The following TPT1 variants were observed in gnomAD, a reference collection of about 807,000 sequenced individuals.
TPT1 encodes tumor protein, translationally-controlled 1, also known as translationally-controlled tumor protein.
In TPT1, 5 loss-of-function variants were observed where a neutral mutation model predicts 22.8. The observed-to-expected ratio is 0.22, with a 90% CI of 0.11 to 0.46. The LOEUF is 0.46. TPT1 is among the 20% of genes least tolerant of loss of function. The pLI, the probability that TPT1 is intolerant of heterozygous loss-of-function variation, is 0.99. For missense variants in TPT1, 130 were observed against 218.7 expected (o/e 0.59, Z 2.56); for synonymous variants, 89 against 73.6 (o/e 1.21, Z -1.07).
rs375302427 is a variant in TPT1, at chr13:45,339,635, T to C, written c.294-33A>G. The C allele has an allele frequency of 1.5e-4, 229 of 1,542,298 alleles. 1 individual carries two copies. Among genetic ancestry groups the C allele is most frequent in the South Asian group, 8.8e-4 (73 of 82,936 alleles). On this transcript the variant is annotated intron_variant, in intron 3 of 5. Transcript: ENST00000530705. ...AACATTTCATTAACAGGTTGAAGTATTGAATTTTCAGTAAAATCAATTTTT... is the reference window on the plus strand; with the variant it reads ...AACATTTCATTAACAGGTTGAAGTACTGAATTTTCAGTAAAATCAATTTTT...
Position 45,335,349 on chromosome 13 carries a change from G to C in TPT1, c.*2037C>G, listed in dbSNP as rs1209124840. On this transcript the variant is annotated 3_prime_UTR_variant, in exon 6 of 6. Coordinates refer to ENST00000530705, the MANE Select transcript of TPT1 (RefSeq NM_003295.4). ...TGTTGGGAAAACAGCTAAGAGCACT[G>C]AAAGGACAACTGGGGAAATACCTCT... 6.6e-6 allele frequency: 1 copy of C among 152,168 alleles called. No individual in the cohort carries two copies. The highest frequency in any genetic ancestry group is 1.5e-5 in the Non-Finnish European group (1 of 68,036). 9.4% of individuals were successfully genotyped at this position (152,168 alleles called of 1,614,324 possible). A position where few individuals can be genotyped will look rare whatever the true frequency, so the allele number is the denominator to read the frequency against.
At position 45,337,209 on chromosome 13, in the gene TPT1, T is replaced by C. The variant is rs1291681339; in HGVS notation, c.*177A>G. The stretch of plus-strand genomic sequence containing the variant: ...AAATGCATTTTATTTTTAGACAACC[T>C]ACATGACATGTTTTTCTTAAAAACA... On this transcript the variant is annotated 3_prime_UTR_variant, in exon 6 of 6. Transcript: ENST00000530705. The C allele has an allele frequency of 7.6e-6, 5 of 661,592 alleles. No individual in the cohort carries two copies. The highest frequency in any genetic ancestry group is 1.8e-5 in the African/African-American group (1 of 54,798). The allele number at this position is 661,592 out of a possible 1,614,324, so 41.0% of individuals were successfully genotyped here.
rs1878590530 is a variant in TPT1, at chr13:45,335,156, C to A, written c.*2230G>T. 1 of 152,112 alleles carries A rather than the reference C, an allele frequency of 6.6e-6. No individual in the cohort carries two copies. The highest frequency in any genetic ancestry group is 6.5e-5 in the Admixed American group (1 of 15,270). 9.4% of individuals were successfully genotyped at this position (152,112 alleles called of 1,614,324 possible). ...CTTATTCTTGCCCAAAACGTCTTGACCCTAGGAATAACGAGAAAAAGATAT... is the reference window on the plus strand; with the variant it reads ...CTTATTCTTGCCCAAAACGTCTTGAACCTAGGAATAACGAGAAAAAGATAT... On this transcript the variant is annotated 3_prime_UTR_variant, in exon 6 of 6. Transcript: ENST00000530705.
intron 1 of TPT1, 104 bp from the exon 2 acceptor site, chr13:45,340,889 C>G: frequency 6.7e-7 from 1 of 1,485,544 alleles, no homozygotes; most frequent in Non-Finnish European, 9.0e-7. Flanking sequence ...CCGTAGCACA[C>G]CAGAGCTGGG....
In TPT1 at chr13:45,339,054, C is replaced by A. The variant is rs1566176611; in HGVS notation, c.400-278G>T. 5 of 342,620 alleles carry A rather than the reference C, an allele frequency of 1.5e-5. No individual in the cohort carries two copies. In the South Asian group the frequency reaches 3.4e-4, roughly 24 times the overall value. The allele number at this position is 342,620 out of a possible 1,614,324, so 21.2% of individuals were successfully genotyped here. A position where few individuals can be genotyped will look rare whatever the true frequency, so the allele number is the denominator to read the frequency against. On this transcript the variant is annotated intron_variant, in intron 4 of 5. Coordinates refer to ENST00000530705, the MANE Select transcript of TPT1 (RefSeq NM_003295.4). Reference sequence around the variant, plus strand: ...CTAAATACAATCCCAAACCCTAAAGCGTGCTTATATAGTCAACCACAGGGA... The same window carrying A: ...CTAAATACAATCCCAAACCCTAAAGAGTGCTTATATAGTCAACCACAGGGA...
In TPT1 at chr13:45,336,946, G is replaced by A. The variant is rs920690359; in HGVS notation, c.*440C>T. 1 of 166,686 alleles carries A rather than the reference G, an allele frequency of 6.0e-6. No individual in the cohort carries two copies. Among genetic ancestry groups the A allele is most frequent in the East Asian group, 1.8e-4 (1 of 5,664 alleles). 10.3% of individuals were successfully genotyped at this position (166,686 alleles called of 1,614,324 possible). A position where few individuals can be genotyped will look rare whatever the true frequency, so the allele number is the denominator to read the frequency against. On this transcript the variant is annotated 3_prime_UTR_variant, in exon 6 of 6. Coordinates refer to ENST00000530705, the MANE Select transcript of TPT1 (RefSeq NM_003295.4). ...TACTTCCGTTGTAGGTGATGAAATG[G>A]GTAAGGCTCCACACTTCAGATGTTG...
At chr13:45,338,347 C>A in intron 5 of TPT1, 1 of 358,778 alleles carries the variant, frequency 2.8e-6, no homozygotes, top group Non-Finnish European at 5.0e-6. Flanking sequence ...CTCGAACTCC[C>A]AACCTCAGGT....
At position 45,341,169 on chromosome 13, in the gene TPT1, G is replaced by GAGCGGGC. The variant is rs946542420; in HGVS notation, c.-107_-101dup. 220 of 1,533,266 alleles carry GAGCGGGC rather than the reference G, an allele frequency of 1.4e-4. No individual in the cohort carries two copies. Among genetic ancestry groups the GAGCGGGC allele is most frequent in the Non-Finnish European group, 1.8e-4 (200 of 1,126,868 alleles). The allele number at this position is 1,533,266 out of a possible 1,614,324, so 95.0% of individuals were successfully genotyped here. A position where few individuals can be genotyped will look rare whatever the true frequency, so the allele number is the denominator to read the frequency against. ...CGGAGCGGCGCTCGGGGGGAGGGGG[G>GAGCGGGC]AGCGGGCGGAAAAGGCCGACTCAGC... On this transcript the variant is annotated 5_prime_UTR_variant, in exon 1 of 6. Transcript: ENST00000530705.
intron 4 of TPT1, 105 bp from the exon 5 acceptor site, chr13:45,338,881 A>G (rs940706471): frequency 1.1e-6 from 1 of 924,902 alleles, no homozygotes; most frequent in Admixed American, 2.8e-5. Context: ...CACAAAAATC[A>G]AAACTTCAGT....
chr13:45,341,137 G>C lies in TPT1; in HGVS notation c.-68C>G, dbSNP rs1418520375. 5.6e-6 allele frequency: 9 copies of C among 1,596,184 alleles called. No homozygotes were observed. In the Admixed American group the frequency reaches 7.0e-5, roughly 12 times the overall value. ...GAGCCTGAAACTCGGAGCGAGCGCG[G>C]TGCAGCCGGAGCGGCGCTCGGGGGG... On this transcript the variant is annotated 5_prime_UTR_variant, in exon 1 of 6. Transcript: ENST00000530705.
At position 45,339,557 on chromosome 13, in the gene TPT1, A is replaced by T. The variant is rs748115285; in HGVS notation, c.339T>A (p.Pro113=). The T allele has an allele frequency of 1.9e-6, 3 of 1,613,896 alleles. No homozygotes were observed. The highest frequency in any genetic ancestry group is 3.3e-5 in the Admixed American group (2 of 60,000). ...TTTGTTCTGCAGCCCCTGTCATAAA[A>T]GGTTTTACTCTTTCTGGTCTCTGTT... ...LEEQRPERVK[P]FMTGAAEQIK... Residue 113 remains proline, a synonymous_variant, in exon 4 of 6, where the codon CCT becomes CCA. Coordinates refer to ENST00000530705, the MANE Select transcript of TPT1 (RefSeq NM_003295.4).
At position 45,341,012 on chromosome 13, in the gene TPT1, G is replaced by T. The variant is rs2234214; in HGVS notation, c.28+30C>A. 1,391 of 1,607,876 alleles carry T rather than the reference G, an allele frequency of 8.7e-4. 15 individuals are homozygous for T. In the African/African-American group the frequency reaches 0.016, roughly 19 times the overall value. On this transcript the variant is annotated intron_variant, in intron 1 of 5. Coordinates refer to ENST00000530705, the MANE Select transcript of TPT1 (RefSeq NM_003295.4). ...ACCCGCACCCCAGACCCCCGTGTGCGGCAGTAAGGATAGTGCAGTGAGGAC... is the reference window on the plus strand; with the variant it reads ...ACCCGCACCCCAGACCCCCGTGTGCTGCAGTAAGGATAGTGCAGTGAGGAC...
At chr13:45,339,878 A>G (rs1878965576) in intron 3 of TPT1, 116 bp downstream of exon 3, 2 of 1,209,424 alleles carry the variant, frequency 1.7e-6, no homozygotes, top group Non-Finnish European at 2.3e-6. Flanking sequence ...ACTCATTAAT[A>G]AAAAAGCAAG....
In TPT1 at chr13:45,335,518, G is replaced by C. The variant is rs962979480; in HGVS notation, c.*1868C>G. 1 of 152,164 alleles carries C rather than the reference G, an allele frequency of 6.6e-6. No individual in the cohort carries two copies. The highest frequency in any genetic ancestry group is 1.5e-5 in the Non-Finnish European group (1 of 68,050). 9.4% of individuals were successfully genotyped at this position (152,164 alleles called of 1,614,324 possible). A position where few individuals can be genotyped will look rare whatever the true frequency, so the allele number is the denominator to read the frequency against. ...ACCTCAAGGCCTTCTTCACTATCCT[G>C]GTTTCCCCAGCTTTGACCACTGCCT... On this transcript the variant is annotated 3_prime_UTR_variant, in exon 6 of 6. Transcript: ENST00000530705.
rs1490927933 is a variant in TPT1, at chr13:45,334,217, T to C, written c.*3169A>G. ...ATGAGCCATGGTTCCTGGCTAAATTTTAGAGATGGGGTCTCCCTGTGGTGC... is the reference window on the plus strand; with the variant it reads ...ATGAGCCATGGTTCCTGGCTAAATTCTAGAGATGGGGTCTCCCTGTGGTGC... On this transcript the variant is annotated 3_prime_UTR_variant, in exon 6 of 6. Transcript: ENST00000530705. 6.6e-6 allele frequency: 1 copy of C among 152,098 alleles called. No homozygotes were observed. Among genetic ancestry groups the C allele is most frequent in the East Asian group, 1.9e-4 (1 of 5,202 alleles). The allele number at this position is 152,098 out of a possible 1,614,324, so 9.4% of individuals were successfully genotyped here.
intron 5 of TPT1, chr13:45,338,358 G>T: frequency 2.6e-6 from 1 of 390,140 alleles, no homozygotes; most frequent in East Asian, 4.3e-5. Context: ...AACCTCAGGT[G>T]ATGCACCCAC....
In TPT1 at chr13:45,341,104, C is replaced by A. The variant is rs1348051494; in HGVS notation, c.-35G>T. On this transcript the variant is annotated 5_prime_UTR_variant, in exon 1 of 6. Coordinates refer to ENST00000530705, the MANE Select transcript of TPT1 (RefSeq NM_003295.4). ...TGAAGGGAGACGACGACGGCGCTAG[C>A]TTAGCACGAGCCTGAAACTCGGAGC... 1.2e-6 allele frequency: 2 copies of A among 1,611,222 alleles called. No homozygotes were observed. Among genetic ancestry groups the A allele is most frequent in the Non-Finnish European group, 1.7e-6 (2 of 1,178,668 alleles).
chr13:45,338,855 G>C, intron 4 of TPT1, 79 bp from the exon 5 acceptor site: 1 of 1,245,070 alleles, frequency 8.0e-7, no homozygotes, highest in Non-Finnish European at 1.1e-6. Context: ...ACAGTACAAG[G>C]GAAGGTTTAG....
chr13:45,339,473 G>T (rs930014513), intron 4 of TPT1, 24 bp downstream of exon 4: 4 of 1,591,368 alleles, frequency 2.5e-6, no homozygotes, highest in Non-Finnish European at 8.6e-7. Context: ...ACAATCCTTT[G>T]ATCCAGATAC....
Sources: allele counts gnomAD v4.1 joint callset, GRCh38; gene constraint gnomAD v4.1.1; transcripts MANE v1.5; gene names NCBI Gene and HGNC (gene_info 2026-07-23, HGNC 2026-07-21).